Variants in CHP1 observed in about 807,000 individuals in gnomAD.
CHP1 encodes the protein calcineurin like EF-hand protein 1.
Under a neutral mutation model 27.4 loss-of-function variants are expected in CHP1, and 11 were observed. The ratio of observed to expected loss-of-function variants is 0.40; its 90% CI spans 0.25 to 0.67. CHP1 has a LOEUF of 0.67. Among genes scored for constraint, CHP1 ranks in the 30% least tolerant of loss-of-function variants. CHP1 has a pLI of 0.38. For missense variants in CHP1, 169 were observed against 251.3 expected, an observed-to-expected ratio of 0.67 and a Z score of 2.22; for synonymous variants, 89 against 87.4, an observed-to-expected ratio of 1.02 and a Z score of -0.10.
intron 5 of CHP1, among the ~76,000 whole-genome samples, chr15:41,271,119 G>A (rs1041605930): frequency 6.6e-6 from 1 of 152,048 alleles, no homozygotes; most frequent in African/African-American, 2.4e-5. Flanking sequence ...GCCGGGTGTG[G>A]TGGCGGGCAC....
chr15:41,254,774 AAG>A (rs1172679264), intron 2 of CHP1, among the ~76,000 whole-genome samples: 2 of 152,244 alleles, frequency 1.3e-5, no homozygotes, highest in African/African-American at 4.8e-5. Context: ...ACAAGAGGAA[AAG>A]AGCGTGAAGT....
chr15:41,233,231 G>C (rs1457242760), intron 1 of CHP1, among the ~76,000 whole-genome samples: 1 of 152,168 alleles, frequency 6.6e-6, no homozygotes, highest in African/African-American at 2.4e-5. Flanking sequence ...CCGAATTAAA[G>C]TATTTGTGTT....
chr15:41,270,791 G>A (rs1394073590), intron 5 of CHP1, among the ~76,000 whole-genome samples, 173 bp downstream of exon 5: 1 of 152,156 alleles, frequency 6.6e-6, no homozygotes, highest in African/African-American at 2.4e-5. Context: ...GGCTCATTGT[G>A]TTTTCATAGA....
At chr15:41,259,711 G>A in intron 3 of CHP1, among the ~76,000 whole-genome samples, 1 of 152,102 alleles carries the variant, frequency 6.6e-6, no homozygotes, top group Non-Finnish European at 1.5e-5. Context: ...TGGTCCATTA[G>A]CAGTATAGAT....
At chr15:41,254,769 A>G (rs2047390004) in intron 2 of CHP1, among the ~76,000 whole-genome samples, 1 of 152,360 alleles carries the variant, frequency 6.6e-6, no homozygotes, top group Admixed American at 6.5e-5. Flanking sequence ...AAACCACAAG[A>G]GGAAAAGAGC....
chr15:41,247,992 A>T (rs200451678), intron 2 of CHP1, among the ~76,000 whole-genome samples: 7,802 of 134,026 alleles, frequency 0.058, 559 homozygotes, highest in Admixed American at 0.17. Flanking sequence ...AATAAATAAA[A>T]TAAATAAATA....
In CHP1 at chr15:41,231,274, A is replaced by G; in HGVS notation, c.-109A>G. On this transcript the variant is annotated 5_prime_UTR_variant, in exon 1 of 7. Transcript: ENST00000334660. ...GGTTCCCTCCCGGGTCCGCAGTGGA[A>G]ACACTGCCCTCTCCCTTCTTGACCC... 8.8e-7 allele frequency: 1 copy of G among 1,135,846 alleles called. No individual in the cohort carries two copies. Among genetic ancestry groups the G allele is most frequent in the Admixed American group, 2.1e-5 (1 of 47,600 alleles). The allele number at this position is 1,135,846 out of a possible 1,614,324, so 70.4% of individuals were successfully genotyped here.
rs1296407225 is a variant in CHP1 at position 41,256,938 on chromosome 15, C to T, written c.169C>T (p.Leu57Phe). Residue 57 changes from leucine (L) to phenylalanine (F), a missense_variant, in exon 3 of 7, where the codon CTT becomes TTT. Coordinates refer to ENST00000334660, the MANE Select transcript of CHP1 (RefSeq NM_007236.5). ...GGAAGATTTCCAGAGGATTCCAGAA[C>T]TTGCCATCAACCCACTGGGGGACCG... ...SREDFQRIPE[L>F]AINPLGDRII... is the part of the protein sequence containing the mutation. 1 of 1,614,132 alleles carries T rather than the reference C, an allele frequency of 6.2e-7. No individual in the cohort carries two copies. Among genetic ancestry groups the T allele is most frequent in the Non-Finnish European group, 8.5e-7 (1 of 1,180,012 alleles).
chr15:41,262,667 G>T, intron 3 of CHP1, 89 bp from the exon 4 acceptor site: 1 of 1,520,566 alleles, frequency 6.6e-7, no homozygotes, highest in Non-Finnish European at 9.0e-7. Flanking sequence ...TCAGGCTACC[G>T]TAGCTAAAGC....
At chr15:41,246,581 G>A (rs1237182292) in intron 2 of CHP1, among the ~76,000 whole-genome samples, 2 of 144,260 alleles carry the variant, frequency 1.4e-5, no homozygotes, top group Non-Finnish European at 3.0e-5. Flanking sequence ...GCCTCCCAAA[G>A]TGCTGGGATT....
intron 4 of CHP1, among the ~76,000 whole-genome samples, chr15:41,264,748 T>C (rs1015979090): frequency 6.6e-6 from 1 of 152,162 alleles, no homozygotes; most frequent in African/African-American, 2.4e-5. Context: ...CCCAGCCTGT[T>C]TTTTTCATTA....
chr15:41,274,210 T>C (rs765104225), intron 5 of CHP1, among the ~76,000 whole-genome samples: 2 of 151,980 alleles, frequency 1.3e-5, no homozygotes, highest in Admixed American at 6.6e-5. Flanking sequence ...CAGCCCACCT[T>C]GGCCTCCCAA....
intron 5 of CHP1, among the ~76,000 whole-genome samples, chr15:41,274,541 A>G (rs1289971501): frequency 6.6e-6 from 1 of 152,096 alleles, no homozygotes; most frequent in Admixed American, 6.6e-5. Flanking sequence ...AGCTGGGACT[A>G]CATGCATGTG....
intron 4 of CHP1, among the ~76,000 whole-genome samples, chr15:41,266,109 C>G (rs2047458786): frequency 6.6e-6 from 1 of 152,062 alleles, no homozygotes; most frequent in Non-Finnish European, 1.5e-5. Context: ...CATGGTGAAA[C>G]CATGTCTCTT....
chr15:41,255,683 A>G (rs1185267306), intron 2 of CHP1, among the ~76,000 whole-genome samples: 1 of 151,942 alleles, frequency 6.6e-6, no homozygotes, highest in Non-Finnish European at 1.5e-5. Flanking sequence ...AAATAAAAAT[A>G]AAGAATTTGG....
intron 2 of CHP1, among the ~76,000 whole-genome samples, chr15:41,248,099 T>C (rs1026660743): frequency 6.6e-6 from 1 of 152,144 alleles, no homozygotes; most frequent in Non-Finnish European, 1.5e-5. Flanking sequence ...TTGGTAGGTA[T>C]TTACTGACTA....
intron 2 of CHP1, among the ~76,000 whole-genome samples, chr15:41,244,406 T>C (rs1169608009): frequency 6.6e-6 from 1 of 152,136 alleles, no homozygotes; most frequent in Non-Finnish European, 1.5e-5. Flanking sequence ...TCCCAGGTGG[T>C]CTAGGTTGTT....
rs779494302 is a variant in CHP1 at position 41,279,347 on chromosome 15, G to A, written c.546G>A (p.Lys182=). The part of the protein sequence containing the change: ...SFTEFVKVLE[K]VDVEQKMSIR... ...GTTTTCTCCCCCAGGTTTTGGAGAA[G>A]GTGGATGTAGAACAGAAAATGAGCA... is the stretch of plus-strand genomic sequence containing the variant. The change falls in exon 7 of 7, where the codon AAG becomes AAA. Residue 182 remains lysine, a synonymous_variant. Transcript: ENST00000334660. 3.7e-6 allele frequency: 6 copies of A among 1,613,662 alleles called. No homozygotes were observed. In the East Asian group the frequency reaches 1.3e-4, roughly 36 times the overall value.
intron 4 of CHP1, among the ~76,000 whole-genome samples, chr15:41,266,359 T>TAA (rs573358730): frequency 6.9e-6 from 1 of 145,670 alleles, no homozygotes; most frequent in Non-Finnish European, 1.5e-5. Context: ...GGATAGTGTT[T>TAA]AAAAAAAAAA....
Sources: gnomAD v4.1 joint callset for allele counts (sites outside exome capture counted in the v4.1 genomes callset) on GRCh38, gnomAD v4.1.1 for gene constraint, MANE v1.5 for transcripts, NCBI Gene and HGNC (gene_info 2026-07-23, HGNC 2026-07-21) for gene names.